The following LRRTM4 variants were observed in gnomAD, a reference collection of about 807,000 sequenced individuals.
LRRTM4 encodes leucine-rich repeat transmembrane neuronal protein 4.
LRRTM4 carries 25 observed loss-of-function variants against 47.6 expected under a neutral mutation model. The ratio of observed to expected loss-of-function variants is 0.53; its 90% confidence interval spans 0.38 to 0.73. The LOEUF is 0.73. Among genes scored for constraint, LRRTM4 ranks in the 30% least tolerant of loss-of-function variants. LRRTM4 has a pLI of 0.00. For missense variants in LRRTM4, 638 were observed against 713.4 expected (o/e 0.89, Z 1.20); for synonymous variants, 311 against 269.5 (o/e 1.15, Z -1.51).
At chr2:76,774,679 G>A (rs1318270424) in intron 3 of LRRTM4, among the ~76,000 whole-genome samples, 1 of 152,124 alleles carries the variant, frequency 6.6e-6, no homozygotes, top group African/African-American at 2.4e-5. Flanking sequence ...GGTAGAGGAG[G>A]TGGAAGGAGA....
rs117261444 is a variant in LRRTM4, at chr2:76,751,381, C to T, written c.1552-2465G>A. On this transcript the variant is annotated intron_variant, in intron 3 of 3. Transcript: ENST00000409884. ...AGTAACAAGAGTATTTCTCATCAAA[C>T]AAGCTATTGATAAAATCTTGAATAT... Among the ~76,000 whole-genome samples, 282 of 152,188 alleles carry T rather than the reference C, an allele frequency of 1.9e-3. 4 individuals carry two copies. The East Asian group carries it at 0.051, about 27-fold the overall frequency.
chr2:76,869,355 G>A (rs2104044513), intron 3 of LRRTM4, among the ~76,000 whole-genome samples: 1 of 152,122 alleles, frequency 6.6e-6, no homozygotes, highest in South Asian at 2.1e-4. Context: ...CCAGTGGCAG[G>A]TTGAAGAGGC....
chr2:77,393,587 T>TG (rs1292222921), intron 3 of LRRTM4, among the ~76,000 whole-genome samples: 1 of 152,030 alleles, frequency 6.6e-6, no homozygotes, highest in Non-Finnish European at 1.5e-5. Flanking sequence ...CGGAAGGCTC[T>TG]GGGGAAATAT....
chr2:77,389,050 A>G (rs536275321), intron 3 of LRRTM4, among the ~76,000 whole-genome samples: 5 of 152,062 alleles, frequency 3.3e-5, no homozygotes, highest in Admixed American at 1.3e-4. Context: ...ATAATGTCAA[A>G]CAAAATATTA....
intron 3 of LRRTM4, among the ~76,000 whole-genome samples, chr2:77,400,351 C>T (rs1298507167): frequency 6.6e-6 from 1 of 151,794 alleles, no homozygotes; most frequent in African/African-American, 2.4e-5. Context: ...CACTCAGGTT[C>T]CAACACTCAG....
chr2:77,190,005 T>C (rs1288952561), intron 3 of LRRTM4, among the ~76,000 whole-genome samples: 1 of 152,074 alleles, frequency 6.6e-6, no homozygotes, highest in African/African-American at 2.4e-5. Context: ...ATATGGAAAA[T>C]TCTAACTTTA....
intron 3 of LRRTM4, among the ~76,000 whole-genome samples, chr2:77,118,529 G>A (rs748734769): frequency 4.0e-5 from 6 of 151,878 alleles, no homozygotes; most frequent in Non-Finnish European, 7.4e-5. Context: ...GCATGCAACA[G>A]TGCTGAGGTA....
intron 3 of LRRTM4, among the ~76,000 whole-genome samples, chr2:77,289,467 C>T (rs1676759711): frequency 6.6e-6 from 1 of 152,188 alleles, no homozygotes; most frequent in East Asian, 1.9e-4. Context: ...GAGCTACTCT[C>T]ATAACCCTGA....
chr2:76,763,177 GA>G (rs200778013), intron 3 of LRRTM4, among the ~76,000 whole-genome samples: 1 of 151,670 alleles, frequency 6.6e-6, no homozygotes, highest in Non-Finnish European at 1.5e-5. Context: ...CCTATTCCAG[GA>G]AAAAAAACAG....
intron 3 of LRRTM4, among the ~76,000 whole-genome samples, chr2:77,161,208 C>A (rs192122463): frequency 6.6e-6 from 1 of 152,128 alleles, no homozygotes; most frequent in African/African-American, 2.4e-5. Flanking sequence ...ATTGTGAAAC[C>A]TAAGACTGGT....
chr2:77,489,515 CTTTAGGAAACA>C (rs1195939843), intron 3 of LRRTM4, among the ~76,000 whole-genome samples: 1 of 152,160 alleles, frequency 6.6e-6, no homozygotes, highest in African/African-American at 2.4e-5. Flanking sequence ...ATTACGTTTC[CTTTAGGAAACA>C]TATCAACATT....
At chr2:77,517,914 C>A (rs1161636200) in intron 3 of LRRTM4, 1 of 991,922 alleles carries the variant, frequency 1.0e-6, no homozygotes, top group South Asian at 4.7e-5. Flanking sequence ...TTGGTAAACT[C>A]ACTTTATTTT....
chr2:77,352,780 C>A (rs2104299250), intron 3 of LRRTM4, among the ~76,000 whole-genome samples: 1 of 151,882 alleles, frequency 6.6e-6, no homozygotes, highest in South Asian at 2.1e-4. Context: ...TTAGTACAAG[C>A]TATTATAAAT....
intron 3 of LRRTM4, among the ~76,000 whole-genome samples, chr2:76,809,512 A>T (rs576509333): frequency 1.4e-4 from 22 of 152,064 alleles, no homozygotes; most frequent in Non-Finnish European, 3.1e-4. Context: ...AAAAATTGTA[A>T]CCTACATACT....
At chr2:77,255,269 G>C (rs933710854) in intron 3 of LRRTM4, among the ~76,000 whole-genome samples, 1 of 151,894 alleles carries the variant, frequency 6.6e-6, no homozygotes, top group Non-Finnish European at 1.5e-5. Flanking sequence ...CAAAATATGT[G>C]AAGCAAAAAC....
At chr2:77,339,381 G>A (rs1364334783) in intron 3 of LRRTM4, among the ~76,000 whole-genome samples, 2 of 151,886 alleles carry the variant, frequency 1.3e-5, no homozygotes, top group African/African-American at 4.8e-5. Flanking sequence ...TCCTAAATTT[G>A]TTTAATTTTA....
chr2:76,988,171 C>T (rs1030534120), intron 3 of LRRTM4, among the ~76,000 whole-genome samples: 3 of 151,720 alleles, frequency 2.0e-5, no homozygotes, highest in Non-Finnish European at 4.4e-5. Flanking sequence ...CTGCAGCCAA[C>T]CTAATTTCTC....
At chr2:76,919,284 G>A (rs185294951) in intron 3 of LRRTM4, among the ~76,000 whole-genome samples, 19 of 152,214 alleles carry the variant, frequency 1.2e-4, no homozygotes, top group African/African-American at 4.1e-4. Context: ...ACAGATATTT[G>A]CCATAAACCG....
chr2:76,909,425 T>A (rs901892657), intron 3 of LRRTM4, among the ~76,000 whole-genome samples: 1 of 152,048 alleles, frequency 6.6e-6, no homozygotes, highest in Non-Finnish European at 1.5e-5. Context: ...ATTCAGGACA[T>A]AGGCATGGGC....
Sources: allele counts gnomAD v4.1 joint callset (sites outside exome capture counted in the v4.1 genomes callset), GRCh38; gene constraint gnomAD v4.1.1; transcripts MANE v1.5; gene names NCBI Gene and HGNC (gene_info 2026-07-23, HGNC 2026-07-21).